Variants in PSMD5 observed in about 807,000 individuals in gnomAD.
PSMD5 encodes 26S proteasome non-ATPase regulatory subunit 5.
Under a neutral mutation model 52.1 loss-of-function variants are expected in PSMD5, and 40 were observed. The observed-to-expected ratio is 0.77, with a 90% CI of 0.60 to 1.00. The LOEUF (loss-of-function observed/expected upper bound fraction) is 1.00, where lower values mean the gene tolerates loss of function less well. Among genes scored for constraint, PSMD5 ranks in the 50% least tolerant of loss-of-function variants. PSMD5 has a pLI of 0.00. For missense variants in PSMD5, 575 were observed against 605.2 expected (o/e 0.95, Z 0.52); for synonymous variants, 211 against 226.6 (o/e 0.93, Z 0.62).
At chr9:120,819,290 A>G (rs2045066629) in intron 9 of PSMD5, among the ~76,000 whole-genome samples, 3 of 152,216 alleles carry the variant, frequency 2.0e-5, no homozygotes, top group Admixed American at 2.0e-4. Flanking sequence ...ATTAGAATCT[A>G]CATTTTAATA....
intron 3 of PSMD5, 103 bp from the exon 4 acceptor site, chr9:120,831,562 T>A (rs925209828): frequency 3.7e-6 from 5 of 1,348,810 alleles, no homozygotes; most frequent in Middle Eastern, 2.7e-4. Context: ...CTTGCCCATG[T>A]TTTAGCTATT....
intron 2 of PSMD5, 59 bp downstream of exon 2, chr9:120,833,253 C>T: frequency 6.5e-7 from 1 of 1,545,014 alleles, no homozygotes; most frequent in Non-Finnish European, 8.9e-7. Context: ...CTTTCTGTCC[C>T]AGTGCAGAAC....
Position 120,831,814 on chromosome 9 carries a change from T to C in PSMD5, c.432+18A>G, listed in dbSNP as rs532780149. 44 of 1,603,144 alleles carry C rather than the reference T, an allele frequency of 2.7e-5. No homozygotes were observed. In the African/African-American group the frequency reaches 4.6e-4, roughly 17 times the overall value. ...CGATGTCTCTGCACATTTAAGTCAA[T>C]GATTCTAGTAGACTCACCGCTTTTG... is the stretch of plus-strand genomic sequence containing the variant. On this transcript the variant is annotated intron_variant, in intron 3 of 9. Coordinates refer to ENST00000210313, the MANE Select transcript of PSMD5 (RefSeq NM_005047.4).
At chr9:120,835,313 T>C (rs1440635424) in intron 1 of PSMD5, among the ~76,000 whole-genome samples, 1 of 152,166 alleles carries the variant, frequency 6.6e-6, no homozygotes, top group Non-Finnish European at 1.5e-5. Flanking sequence ...ATGATACATA[T>C]CACAATATGA....
At chr9:120,821,058 A>C in intron 8 of PSMD5, 79 bp from the exon 9 acceptor site, 1 of 1,414,068 alleles carries the variant, frequency 7.1e-7, no homozygotes, top group South Asian at 1.4e-5. Flanking sequence ...CAGACACCTG[A>C]GTGCTGATGG....
In PSMD5 at chr9:120,818,155, T is replaced by C; in HGVS notation, c.1266A>G (p.Ala422=). Residue 422 remains alanine (A), a synonymous_variant, in exon 10 of 10, where the codon GCA becomes GCG. Transcript: ENST00000210313. ...TAAGTTTCTGAGCCCAGGGTTGGTT[T>C]GCAATGGCCTGAAATGGAAGGCAGA... The part of the protein sequence containing the change: ...CAALKVFTAI[A]NQPWAQKLMF... 2 of 1,611,956 alleles carry C rather than the reference T, an allele frequency of 1.2e-6. No individual in the cohort carries two copies. Among genetic ancestry groups the C allele is most frequent in the Non-Finnish European group, 8.5e-7 (1 of 1,178,234 alleles).
chr9:120,840,301 G>A (rs555770934), intron 1 of PSMD5, among the ~76,000 whole-genome samples: 1 of 151,500 alleles, frequency 6.6e-6, no homozygotes, highest in South Asian at 2.1e-4. Flanking sequence ...GTTTTGTTTT[G>A]TAGAGACAGG....
chr9:120,834,844 G>A (rs2045187651), intron 1 of PSMD5, among the ~76,000 whole-genome samples: 1 of 152,218 alleles, frequency 6.6e-6, no homozygotes, highest in Non-Finnish European at 1.5e-5. Flanking sequence ...AGGTGATGAA[G>A]GAGTAAACCA....
At chr9:120,828,665 A>G (rs1338343033) in intron 5 of PSMD5, among the ~76,000 whole-genome samples, 2 of 151,888 alleles carry the variant, frequency 1.3e-5, no homozygotes, top group Non-Finnish European at 2.9e-5. Flanking sequence ...TGACCTCATG[A>G]ATCGCCCACC....
chr9:120,836,318 T>C (rs2045197664), intron 1 of PSMD5, among the ~76,000 whole-genome samples: 1 of 152,168 alleles, frequency 6.6e-6, no homozygotes, highest in African/African-American at 2.4e-5. Context: ...TAGTGTGCAG[T>C]AGAATCTCAC....
chr9:120,821,337 A>T lies in PSMD5; in HGVS notation c.1116+18T>A. 6.8e-7 allele frequency: 1 copy of T among 1,461,150 alleles called. No individual in the cohort carries two copies. Among genetic ancestry groups the T allele is most frequent in the Non-Finnish European group, 9.4e-7 (1 of 1,065,396 alleles). The allele number at this position is 1,461,150 out of a possible 1,614,324, so 90.5% of individuals were successfully genotyped here. A position where few individuals can be genotyped will look rare whatever the true frequency, so the allele number is the denominator to read the frequency against. ...CAAACATATCCCACTGTCCTTCATTATTTCCCTACCTACTTACTGGTAAGT... is the reference window on the plus strand; with the variant it reads ...CAAACATATCCCACTGTCCTTCATTTTTTCCCTACCTACTTACTGGTAAGT... On this transcript the variant is annotated intron_variant, in intron 8 of 9. Transcript: ENST00000210313.
intron 4 of PSMD5, among the ~76,000 whole-genome samples, chr9:120,829,596 A>G (rs1022886041): frequency 2.0e-5 from 3 of 152,188 alleles, no homozygotes; most frequent in South Asian, 2.1e-4. Context: ...GGGTTTTGCT[A>G]TGTTGGCCAG....
chr9:120,826,637 G>A, intron 6 of PSMD5, 128 bp downstream of exon 6: 2 of 1,172,632 alleles, frequency 1.7e-6, no homozygotes, highest in East Asian at 5.1e-5. Context: ...AACGAAATCA[G>A]CTCATTAAGG....
At chr9:120,819,476 T>A (rs1314720035) in intron 9 of PSMD5, among the ~76,000 whole-genome samples, 3 of 152,008 alleles carry the variant, frequency 2.0e-5, no homozygotes, top group Non-Finnish European at 4.4e-5. Context: ...ATAATGAAAA[T>A]ACTAAGCAGG....
chr9:120,836,922 C>T (rs1292036075), intron 1 of PSMD5, among the ~76,000 whole-genome samples: 1 of 147,158 alleles, frequency 6.8e-6, no homozygotes, highest in African/African-American at 2.5e-5. Flanking sequence ...CTGAGTCTCA[C>T]TCTGTTGCCC....
At position 120,816,249 on chromosome 9, in the gene PSMD5, A is replaced by G. The variant is rs1443411050; in HGVS notation, c.*1657T>C. On this transcript the variant is annotated 3_prime_UTR_variant, in exon 10 of 10. Coordinates refer to ENST00000210313, the MANE Select transcript of PSMD5 (RefSeq NM_005047.4). ...GGAATAGACAGTTATTGTTTAATGA[A>G]TACAGTTTCAATTGTATAAGATGAA... The G allele has an allele frequency of 1.3e-5, 2 of 152,490 alleles. No homozygotes were observed. The highest frequency in any genetic ancestry group is 2.9e-5 in the Non-Finnish European group (2 of 68,220). The allele number at this position is 152,490 out of a possible 1,614,324, so 9.4% of individuals were successfully genotyped here. A position where few individuals can be genotyped will look rare whatever the true frequency, so the allele number is the denominator to read the frequency against.
intron 6 of PSMD5, among the ~76,000 whole-genome samples, chr9:120,825,971 T>C (rs913884250): frequency 6.6e-6 from 1 of 151,932 alleles, no homozygotes; most frequent in Non-Finnish European, 1.5e-5. Flanking sequence ...GAAGTGGTAA[T>C]TGTGGGCATC....
rs975435288 is a variant in PSMD5, at chr9:120,822,681, C to T, written c.1007-1217G>A. ...CCTCCCGAGTAGCTGGGATTACAGGCGCCTGCCATCACACCTAGCTAATTT... is the reference window on the plus strand; with the variant it reads ...CCTCCCGAGTAGCTGGGATTACAGGTGCCTGCCATCACACCTAGCTAATTT... On this transcript the variant is annotated intron_variant, in intron 7 of 9. Coordinates refer to ENST00000210313, the MANE Select transcript of PSMD5 (RefSeq NM_005047.4). Among the ~76,000 whole-genome samples, 8 of 152,012 alleles carry T rather than the reference C, an allele frequency of 5.3e-5. No homozygotes were observed. The South Asian group carries it at 1.2e-3, about 24-fold the overall frequency.
chr9:120,838,609 C>T (rs1283405814), intron 1 of PSMD5, among the ~76,000 whole-genome samples: 1 of 152,194 alleles, frequency 6.6e-6, no homozygotes, highest in Non-Finnish European at 1.5e-5. Flanking sequence ...TACTATGTAT[C>T]CAGTTCTGAA....
Sources: allele counts gnomAD v4.1 joint callset (sites outside exome capture counted in the v4.1 genomes callset), GRCh38; gene constraint gnomAD v4.1.1; transcripts MANE v1.5; gene names NCBI Gene and HGNC (gene_info 2026-07-23, HGNC 2026-07-21).